THADA: variants seen among roughly 807,000 people sequenced by gnomAD.
THADA encodes the protein THADA armadillo repeat containing, also known as tRNA (32-2'-O)-methyltransferase regulator THADA.
Under a neutral mutation model 219.8 loss-of-function variants are expected in THADA, and 213 were observed. That is an observed-to-expected ratio of 0.97 (90% CI 0.87 to 1.09). The LOEUF is 1.09. THADA is among the 50% of genes least tolerant of loss of function. THADA has a pLI of 0.00. For synonymous variants in THADA, 1,018 were observed against 828.9 expected, an observed-to-expected ratio of 1.23 and a Z score of -3.92; for missense variants, 2,956 against 2,311.3, an observed-to-expected ratio of 1.28 and a Z score of -5.72.
chr2:43,541,121 C>G, intron 21 of THADA, 38 bp downstream of exon 21: 1 of 1,461,202 alleles, frequency 6.8e-7, no homozygotes, highest in Non-Finnish European at 9.0e-7. Context: ...TATGCGTTGA[C>G]CAGAAATTAT....
In THADA at chr2:43,549,321, C is replaced by G; in HGVS notation, c.2995G>C (p.Asp999His). 1 of 1,602,714 alleles carries G rather than the reference C, an allele frequency of 6.2e-7. No individual in the cohort carries two copies. Among genetic ancestry groups the G allele is most frequent in the Non-Finnish European group, 8.5e-7 (1 of 1,174,806 alleles). ...GCTTGGTTAAAATAATCATTAGTATCTCGAGGCTGAATCTCATTCAGAATC... is the reference window on the plus strand; with the variant it reads ...GCTTGGTTAAAATAATCATTAGTATGTCGAGGCTGAATCTCATTCAGAATC... ...QMILNEIQPRDTNDYFNQAKI... is the reference protein window; with the variant it reads ...QMILNEIQPRHTNDYFNQAKI... The change falls in exon 20 of 38, where the codon GAT (aspartate) becomes CAT (histidine). Residue 999 changes from aspartate to histidine, a missense_variant. Transcript: ENST00000405975.
chr2:43,255,319 C>T (rs970954816), intron 36 of THADA, among the ~76,000 whole-genome samples: 20 of 152,190 alleles, frequency 1.3e-4, no homozygotes, highest in Non-Finnish European at 2.9e-4. Flanking sequence ...GAAAACTGTT[C>T]ATTGTTAAAT....
At chr2:43,520,771 C>T (rs920354788) in intron 22 of THADA, among the ~76,000 whole-genome samples, 4 of 151,502 alleles carry the variant, frequency 2.6e-5, no homozygotes, top group African/African-American at 7.3e-5. Flanking sequence ...CAACAACAAA[C>T]GGTTTACCAG....
At chr2:43,316,433 A>C (rs1558568909) in intron 31 of THADA, among the ~76,000 whole-genome samples, 1 of 152,364 alleles carries the variant, frequency 6.6e-6, no homozygotes, top group East Asian at 1.9e-4. Flanking sequence ...TGGATCAGTC[A>C]GAGGGACAGG....
At chr2:43,233,108 C>T (rs1667632479) in intron 36 of THADA, 2 of 542,422 alleles carry the variant, frequency 3.7e-6, no homozygotes, top group African/African-American at 1.9e-5. Flanking sequence ...TTTCCATGCC[C>T]CCTAACTCAG....
At chr2:43,527,732 C>A (rs1693341574) in intron 22 of THADA, 147 bp downstream of exon 22, 1 of 526,674 alleles carries the variant, frequency 1.9e-6, no homozygotes, top group African/African-American at 1.9e-5. Flanking sequence ...TACAATGAAA[C>A]CTAAGAAAAC....
intron 36 of THADA, among the ~76,000 whole-genome samples, chr2:43,248,877 C>A (rs1464243396): frequency 6.6e-6 from 1 of 152,200 alleles, no homozygotes; most frequent in Non-Finnish European, 1.5e-5. Context: ...CTGGAGCTCT[C>A]TGGAACTCTG....
chr2:43,502,584 CAAAAAAA>C (rs1172070049), intron 24 of THADA, among the ~76,000 whole-genome samples: 3 of 74,202 alleles, frequency 4.0e-5, no homozygotes, highest in African/African-American at 1.3e-4. Context: ...GACCTCGTCT[CAAAAAAA>C]AAAAAAAAAA....
In THADA at chr2:43,416,339, GT is replaced by G. The variant is rs537603414; in HGVS notation, c.4058+11760del. On this transcript the variant is annotated intron_variant, in intron 28 of 37. Coordinates refer to ENST00000405975, the MANE Select transcript of THADA (RefSeq NM_022065.5). The stretch of plus-strand genomic sequence containing the variant: ...GGCTACCTGGATATATTTTTCCACA[GT>G]TTCTGCTAAAACAGATGCTTCTTTC... Among the ~76,000 whole-genome samples, 504 of 152,284 alleles carry G rather than the reference GT, an allele frequency of 3.3e-3. 2 individuals carry two copies. Among genetic ancestry groups the G allele is most frequent in the African/African-American group, 0.012 (487 of 41,560 alleles).
rs1699615398 is a variant in THADA at position 43,574,377 on chromosome 2, T to C, written c.1688A>G (p.Tyr563Cys). Residue 563 changes from tyrosine (Y) to cysteine (C), a missense_variant, in exon 11 of 38, where the codon TAC (tyrosine) becomes TGC (cysteine). Transcript: ENST00000405975. The part of the protein sequence containing the change: ...LLSYSPESLQ[Y>C]MVKILQTSID... The stretch of plus-strand genomic sequence containing the variant: ...AGAAGTCTGAAGAATCTTTACCATG[T>C]ACTGTAAGCTTTCAGGGCTGTAACT... The C allele has an allele frequency of 6.2e-7, 1 of 1,604,796 alleles. No individual in the cohort carries two copies. The highest frequency in any genetic ancestry group is 1.3e-5 in the African/African-American group (1 of 74,600).
chr2:43,586,021 T>A (rs559695249), intron 7 of THADA, among the ~76,000 whole-genome samples: 1 of 152,110 alleles, frequency 6.6e-6, no homozygotes, highest in South Asian at 2.1e-4. Flanking sequence ...TCTCAACACT[T>A]CGGGAGGCTA....
chr2:43,422,816 C>T (rs1264024220), intron 28 of THADA, among the ~76,000 whole-genome samples: 3 of 152,122 alleles, frequency 2.0e-5, no homozygotes, highest in East Asian at 1.9e-4. Flanking sequence ...ACCTCCTGGG[C>T]TCAAGCAATC....
intron 30 of THADA, chr2:43,343,847 G>A: frequency 3.0e-6 from 1 of 334,168 alleles, no homozygotes; most frequent in Non-Finnish European, 5.7e-6. Context: ...ACACAGGACT[G>A]GGCACGCAGC....
chr2:43,466,921 G>A (rs186590318), intron 26 of THADA, among the ~76,000 whole-genome samples: 4 of 152,232 alleles, frequency 2.6e-5, no homozygotes, highest in East Asian at 3.9e-4. Flanking sequence ...GGTGGCTCAC[G>A]CCTGTAATCC....
chr2:43,575,274 C>A (rs1699739399), intron 10 of THADA, among the ~76,000 whole-genome samples: 2 of 152,222 alleles, frequency 1.3e-5, no homozygotes, highest in South Asian at 4.1e-4. Flanking sequence ...TATAGTGAAA[C>A]CCCATCTCTA....
At chr2:43,467,830 C>T (rs1451255780) in intron 26 of THADA, among the ~76,000 whole-genome samples, 2 of 152,192 alleles carry the variant, frequency 1.3e-5, no homozygotes, top group African/African-American at 2.4e-5. Context: ...TCTTCTGTCA[C>T]TAATGGAATC....
intron 26 of THADA, among the ~76,000 whole-genome samples, chr2:43,469,926 G>A (rs1183257539): frequency 1.3e-5 from 2 of 152,074 alleles, no homozygotes; most frequent in Non-Finnish European, 2.9e-5. Context: ...CAAGAAATCC[G>A]ACAAGGGCCG....
chr2:43,447,482 C>T (rs938982940), intron 26 of THADA, among the ~76,000 whole-genome samples: 2 of 152,190 alleles, frequency 1.3e-5, no homozygotes, highest in African/African-American at 4.8e-5. Flanking sequence ...ATCCCCTTTC[C>T]CTTACAAGAT....
At chr2:43,233,997 C>T (rs751681972) in intron 36 of THADA, among the ~76,000 whole-genome samples, 4 of 152,156 alleles carry the variant, frequency 2.6e-5, no homozygotes, top group Non-Finnish European at 1.5e-5. Context: ...AAGACTTACT[C>T]GGCACACAGG....
Sources: allele counts gnomAD v4.1 joint callset (sites outside exome capture counted in the v4.1 genomes callset), GRCh38; gene constraint gnomAD v4.1.1; transcripts MANE v1.5; gene names NCBI Gene and HGNC (gene_info 2026-07-23, HGNC 2026-07-21).